DNAJC1: variants seen among roughly 807,000 people sequenced by gnomAD.
The protein encoded by DNAJC1 is dnaJ homolog subfamily C member 1.
DNAJC1 carries 58 observed loss-of-function variants against 76.6 expected under a neutral mutation model. The ratio of observed to expected loss-of-function variants is 0.76; its 90% CI spans 0.61 to 0.94. The LOEUF is 0.94. Among genes scored for constraint, DNAJC1 ranks in the 40% least tolerant of loss-of-function variants. The probability of loss-of-function intolerance (pLI) is 0.00; values close to 1 mark genes in which losing one functional copy is unlikely to be tolerated. For missense variants in DNAJC1, 689 were observed against 677.3 expected (o/e 1.02, Z -0.19); for synonymous variants, 258 against 267.9 (o/e 0.96, Z 0.36).
intron 8 of DNAJC1, among the ~76,000 whole-genome samples, chr10:21,870,186 G>A (rs1043412089): frequency 2.6e-5 from 4 of 151,486 alleles, no homozygotes; most frequent in African/African-American, 9.7e-5. Flanking sequence ...ACAAAACAAA[G>A]GTGAAAAATC....
intron 1 of DNAJC1, among the ~76,000 whole-genome samples, chr10:21,962,728 T>G (rs1168003086): frequency 6.6e-6 from 1 of 150,916 alleles, no homozygotes; most frequent in Non-Finnish European, 1.5e-5. Context: ...CTGGCCTGAC[T>G]TTTTTCGTGT....
chr10:21,864,457 T>TA, intron 8 of DNAJC1, among the ~76,000 whole-genome samples: 1 of 151,678 alleles, frequency 6.6e-6, no homozygotes. Context: ...CTGTCTCTAC[T>TA]AAAAAATACA....
In DNAJC1 at chr10:21,872,472, G is replaced by A. The variant is rs556575460; in HGVS notation, c.978+9810C>T. On this transcript the variant is annotated intron_variant, in intron 8 of 11. Coordinates refer to ENST00000376980, the MANE Select transcript of DNAJC1 (RefSeq NM_022365.4). ...CACCACCAAATTCAGAATATCAACA[G>A]ATTAAGTTATTTAAAGGGCAAATAG... is the stretch of plus-strand genomic sequence containing the variant. Among the ~76,000 whole-genome samples the A allele has an allele frequency of 7.2e-5, 11 of 152,238 alleles. No individual in the cohort carries two copies. The South Asian group carries it at 2.3e-3, about 32-fold the overall frequency.
intron 1 of DNAJC1, among the ~76,000 whole-genome samples, chr10:21,963,313 G>A (rs1431940017): frequency 3.3e-5 from 5 of 152,170 alleles, no homozygotes. Flanking sequence ...GCTGCTAAGC[G>A]TTAACACTGT....
In DNAJC1 at chr10:22,003,468, G is replaced by C; in HGVS notation, c.-34C>G. ...GCTCGGAAAGGTCACCCGCCGCGCA[G>C]CTCCGTTGGCCGAGAGCTGGGACGT... On this transcript the variant is annotated 5_prime_UTR_variant, in exon 1 of 12. Coordinates refer to ENST00000376980, the MANE Select transcript of DNAJC1 (RefSeq NM_022365.4). The C allele has an allele frequency of 3.0e-6, 4 of 1,333,178 alleles. No individual in the cohort carries two copies. Among genetic ancestry groups the C allele is most frequent in the Non-Finnish European group, 3.8e-6 (4 of 1,048,766 alleles). The allele number at this position is 1,333,178 out of a possible 1,614,324, so 82.6% of individuals were successfully genotyped here.
intron 6 of DNAJC1, among the ~76,000 whole-genome samples, chr10:21,908,054 A>T (rs1185712988): frequency 8.4e-6 from 1 of 118,926 alleles, no homozygotes; most frequent in African/African-American, 3.3e-5. Flanking sequence ...ATATATAAAT[A>T]TATATAATAT....
chr10:21,908,525 T>C (rs2131750893), intron 6 of DNAJC1, among the ~76,000 whole-genome samples: 1 of 145,518 alleles, frequency 6.9e-6, no homozygotes, highest in African/African-American at 2.5e-5. Flanking sequence ...AAAATTATAA[T>C]AAAATCGTTT....
chr10:21,803,621 G>A (rs867672190), intron 9 of DNAJC1, among the ~76,000 whole-genome samples: 2 of 149,904 alleles, frequency 1.3e-5, no homozygotes, highest in Non-Finnish European at 1.5e-5. Context: ...GTGTGTGTGT[G>A]TGTATGTATG....
chr10:21,870,621 C>T lies in DNAJC1; in HGVS notation c.978+11661G>A, dbSNP rs116300554. Among the ~76,000 whole-genome samples, 177 of 151,784 alleles carry T rather than the reference C, an allele frequency of 1.2e-3. 4 individuals are homozygous for T. Among genetic ancestry groups the T allele is most frequent in the African/African-American group, 4.2e-3 (172 of 41,348 alleles). On this transcript the variant is annotated intron_variant, in intron 8 of 11. Coordinates refer to ENST00000376980, the MANE Select transcript of DNAJC1 (RefSeq NM_022365.4). ...AGACCCCATCTCTAGAAAATAATTACAAAATTAGCCAGGCATGGTGGCACA... is the reference window on the plus strand; with the variant it reads ...AGACCCCATCTCTAGAAAATAATTATAAAATTAGCCAGGCATGGTGGCACA...
At chr10:21,925,425 T>C (rs1220749722) in intron 3 of DNAJC1, among the ~76,000 whole-genome samples, 1 of 152,180 alleles carries the variant, frequency 6.6e-6, no homozygotes, top group Non-Finnish European at 1.5e-5. Flanking sequence ...TTATTCACAA[T>C]TGCACTCCTA....
chr10:21,850,513 T>C (rs909811560), intron 8 of DNAJC1, among the ~76,000 whole-genome samples: 2 of 151,416 alleles, frequency 1.3e-5, no homozygotes, highest in Non-Finnish European at 2.9e-5. Flanking sequence ...TTGGAATACT[T>C]AATATTTAAA....
chr10:21,976,696 C>A (rs1028888300), intron 1 of DNAJC1, among the ~76,000 whole-genome samples: 1 of 152,144 alleles, frequency 6.6e-6, no homozygotes, highest in Non-Finnish European at 1.5e-5. Flanking sequence ...TAGGAGTAAG[C>A]GATGTTTTCC....
chr10:21,778,076 C>A (rs935964219), intron 9 of DNAJC1, among the ~76,000 whole-genome samples: 3 of 152,284 alleles, frequency 2.0e-5, no homozygotes, highest in South Asian at 2.1e-4. Flanking sequence ...GTAGTCCCAG[C>A]TACTTGAGAG....
At chr10:21,960,964 G>C (rs1193826789) in intron 1 of DNAJC1, among the ~76,000 whole-genome samples, 1 of 152,110 alleles carries the variant, frequency 6.6e-6, no homozygotes, top group Non-Finnish European at 1.5e-5. Flanking sequence ...TAATACAATA[G>C]CCATGAAGTA....
chr10:21,774,234 A>C (rs1834426511), intron 9 of DNAJC1, among the ~76,000 whole-genome samples: 1 of 152,194 alleles, frequency 6.6e-6, no homozygotes, highest in Admixed American at 6.5e-5. Flanking sequence ...TTCTAAGAAA[A>C]GCTTACGGTT....
intron 8 of DNAJC1, among the ~76,000 whole-genome samples, chr10:21,833,548 T>TAA (rs1483114656): frequency 6.6e-6 from 1 of 152,232 alleles, no homozygotes; most frequent in African/African-American, 2.4e-5. Flanking sequence ...ATCACGGCTA[T>TAA]GTCATGTATT....
At chr10:21,815,100 C>T (rs1011942365) in intron 8 of DNAJC1, among the ~76,000 whole-genome samples, 2 of 152,118 alleles carry the variant, frequency 1.3e-5, no homozygotes, top group Non-Finnish European at 2.9e-5. Flanking sequence ...AAACAGATGG[C>T]GCCAGACATG....
chr10:22,003,427 G>A lies in DNAJC1; in HGVS notation c.8C>T (p.Ala3Val), dbSNP rs1365182573. ...AAGCTGCGCCGGCTGGGAGCAAGGA[G>A]CCGTCATCGCGCTGGGCTCGGAAAG... The part of the protein sequence containing the change: MT[A>V]PCSQPAQLPG... Residue 3 changes from alanine to valine, a missense_variant, in exon 1 of 12, where the codon GCT becomes GTT. Coordinates refer to ENST00000376980, the MANE Select transcript of DNAJC1 (RefSeq NM_022365.4). 1 of 1,364,994 alleles carries A rather than the reference G, an allele frequency of 7.3e-7. No homozygotes were observed. Among genetic ancestry groups the A allele is most frequent in the South Asian group, 1.9e-5 (1 of 52,690 alleles). The allele number at this position is 1,364,994 out of a possible 1,614,324, so 84.6% of individuals were successfully genotyped here.
chr10:21,827,582 G>A (rs748844586), intron 8 of DNAJC1, among the ~76,000 whole-genome samples: 17 of 152,092 alleles, frequency 1.1e-4, no homozygotes, highest in Admixed American at 2.6e-4. Flanking sequence ...GGTGTTCTGC[G>A]GCTTGCAGCT....
Sources: allele counts gnomAD v4.1 joint callset (sites outside exome capture counted in the v4.1 genomes callset), GRCh38; gene constraint gnomAD v4.1.1; transcripts MANE v1.5; gene names NCBI Gene and HGNC (gene_info 2026-07-23, HGNC 2026-07-21).